The following ANKRD24 variants were observed in gnomAD, a reference collection of about 807,000 sequenced individuals.
The protein encoded by ANKRD24 is ankyrin repeat domain 24.
In ANKRD24, 109 loss-of-function variants were observed where a neutral mutation model predicts 127.8. The ratio of observed to expected loss-of-function variants is 0.85; its 90% CI spans 0.73 to 1.00. ANKRD24 has a LOEUF of 1.00. Ranked by LOEUF, ANKRD24 falls within the 50% of genes least tolerant of loss-of-function variation. The pLI is 0.00. For missense variants in ANKRD24, 1,648 were observed against 1,570.2 expected, an observed-to-expected ratio of 1.05 and a Z score of -0.84; for synonymous variants, 743 against 671.1, an observed-to-expected ratio of 1.11 and a Z score of -1.66.
chr19:4,202,761 G>A (rs1969163457), intron 6 of ANKRD24, 108 bp from the exon 7 acceptor site: 1 of 1,189,952 alleles, frequency 8.4e-7, no homozygotes, highest in African/African-American at 1.5e-5. Flanking sequence ...GGGGGCCACG[G>A]AAGGGTGAGG....
At chr19:4,210,534 C>T (rs193169979) in intron 13 of ANKRD24, among the ~76,000 whole-genome samples, 162 bp downstream of exon 13, 14 of 152,102 alleles carry the variant, frequency 9.2e-5, no homozygotes, top group Admixed American at 6.6e-4. Context: ...ACTCGCCAGG[C>T]GCAGTCCTGC....
At chr19:4,189,574 T>TG (rs771130714) in intron 2 of ANKRD24, among the ~76,000 whole-genome samples, 1 of 150,894 alleles carries the variant, frequency 6.6e-6, no homozygotes, top group Non-Finnish European at 1.5e-5. Context: ...TTTTAAGAGA[T>TG]GGGGTCTCAC....
At position 4,216,342 on chromosome 19, in the gene ANKRD24, G is replaced by A. The variant is rs768700249; in HGVS notation, c.1329G>A (p.Ser443=). Residue 443 remains serine, a synonymous_variant, in exon 17 of 22, where the codon TCG becomes TCA. Coordinates refer to ENST00000318934, the MANE Select transcript of ANKRD24 (RefSeq NM_001393985.1). The part of the protein sequence containing the change: ...LSPSAQEHLA[S]LQEQVAVLTR... ...CGTCGGCCCAGGAACACCTGGCCTC[G>A]CTGCAGGAACAGGTGGCTGTGCTCA... 19 of 1,571,780 alleles carry A rather than the reference G, an allele frequency of 1.2e-5. No homozygotes were observed. The highest frequency in any genetic ancestry group is 3.7e-5 in the Admixed American group (2 of 53,460).
rs1245226758 is a variant in ANKRD24, at chr19:4,217,398, GC to G, written c.2239del (p.Leu747TrpfsTer263). On this transcript the variant is annotated frameshift_variant, in exon 18 of 22. Coordinates refer to ENST00000318934, the MANE Select transcript of ANKRD24 (RefSeq NM_001393985.1). LOFTEE classifies it high-confidence loss of function. ...AGCGGGAGCGGGAGGCAGCTGCGGA[GC>G]TGGAGGCGGCCCTGGGGAAGTGCGA... is the stretch of plus-strand genomic sequence containing the variant. Reference protein sequence around the residue: ...RQREREAAAELEAALGKCEAA... With the variant: ...RQREREAAAEXEAALGKCEAA... 18 of 1,549,974 alleles carry G rather than the reference GC, an allele frequency of 1.2e-5. No homozygotes were observed. The highest frequency in any genetic ancestry group is 1.5e-5 in the Non-Finnish European group (17 of 1,146,832).
rs28615978 is a variant in ANKRD24 at position 4,198,172 on chromosome 19, C to T, written c.37-1511C>T. On this transcript the variant is annotated intron_variant, in intron 2 of 21. Coordinates refer to ENST00000318934, the MANE Select transcript of ANKRD24 (RefSeq NM_001393985.1). The surrounding 1 kb of genome is among the most constrained non-coding windows in gnomAD (Gnocchi z 6.1). ...CGGCGGCCTGCGCTGGTGAGGGAGC[C>T]GGGCCCCCGGCGCCGCGTCCTCCTC... 81,727 of 563,220 alleles carry T rather than the reference C, an allele frequency of 0.15. 7,223 individuals carry two copies. Among genetic ancestry groups the T allele is most frequent in the African/African-American group, 0.3 (15,014 of 50,512 alleles). 34.9% of individuals were successfully genotyped at this position (563,220 alleles called of 1,614,324 possible).
intron 6 of ANKRD24, 60 bp downstream of exon 6, chr19:4,202,150 A>T: frequency 6.7e-7 from 1 of 1,489,390 alleles, no homozygotes; most frequent in Non-Finnish European, 9.4e-7. Context: ...AGTTCCAGCA[A>T]TTCCTTGAAC....
At chr19:4,210,659 C>T (rs1969671755) in intron 13 of ANKRD24, among the ~76,000 whole-genome samples, 1 of 151,952 alleles carries the variant, frequency 6.6e-6, no homozygotes. Flanking sequence ...CCCAGATGGC[C>T]CCACAGCTCT....
chr19:4,218,194 A>G, intron 18 of ANKRD24, 31 bp downstream of exon 18: 1 of 1,414,640 alleles, frequency 7.1e-7, no homozygotes, highest in Non-Finnish European at 9.2e-7. Context: ...CCCGGGCCCC[A>G]CCCCCATTGG....
In ANKRD24 at chr19:4,217,383, G is replaced by C; in HGVS notation, c.2223G>C (p.Arg741=). The C allele has an allele frequency of 6.4e-7, 1 of 1,550,624 alleles. No homozygotes were observed. The highest frequency in any genetic ancestry group is 8.7e-7 in the Non-Finnish European group (1 of 1,146,936). ...AGGAGGCTCTCCGGCAGCGGGAGCG[G>C]GAGGCAGCTGCGGAGCTGGAGGCGG... is the stretch of plus-strand genomic sequence containing the variant. ...GLEEALRQRE[R]EAAAELEAAL... The change falls in exon 18 of 22, where the codon CGG becomes CGC. Residue 741 remains arginine, a synonymous_variant. Transcript: ENST00000318934.
Position 4,207,224 on chromosome 19 carries a change from A to G in ANKRD24, c.467-18A>G. 1 of 1,611,506 alleles carries G rather than the reference A, an allele frequency of 6.2e-7. No individual in the cohort carries two copies. Among genetic ancestry groups the G allele is most frequent in the Non-Finnish European group, 8.5e-7 (1 of 1,179,062 alleles). The stretch of plus-strand genomic sequence containing the variant: ...CAGGGTTGAGCTACCGCACCGGACA[A>G]CCTTTTCTCTTTTGCAGCGGCTGGT... On this transcript the variant is annotated intron_variant, in intron 7 of 21. Coordinates refer to ENST00000318934, the MANE Select transcript of ANKRD24 (RefSeq NM_001393985.1).
In ANKRD24 at chr19:4,210,327, G is replaced by T; in HGVS notation, c.1014G>T (p.Gln338His). ...GGCAGGAGAGGGGCCGCCTCCTGCA[G>T]AAGATCCGGGGCCTGGAACAGCACA... ...RLRQERGRLL[Q>H]KIRGLEQHKE... Residue 338 changes from glutamine to histidine, a missense_variant, in exon 13 of 22, where the codon CAG (glutamine) becomes CAT (histidine). By Grantham distance (24) the Gln-to-His change is conservative (BLOSUM62 0). Coordinates refer to ENST00000318934, the MANE Select transcript of ANKRD24 (RefSeq NM_001393985.1). 8 of 1,578,852 alleles carry T rather than the reference G, an allele frequency of 5.1e-6. No individual in the cohort carries two copies. The highest frequency in any genetic ancestry group is 2.3e-5 in the East Asian group (1 of 43,082).
chr19:4,195,606 T>C lies in ANKRD24; in HGVS notation c.37-4077T>C, dbSNP rs142092426. On this transcript the variant is annotated intron_variant, in intron 2 of 21. Transcript: ENST00000318934. The surrounding 1 kb of genome is among the most constrained non-coding windows in gnomAD (Gnocchi z 4.2). ...ACTCCTCCCTCCTCTTGTCCAAACA[T>C]GTCTAAGAGGGCCGGGCGCAGTGGC... 2.6e-5 allele frequency among the ~76,000 whole-genome samples: 4 copies of C among 152,162 alleles called. No homozygotes were observed. Among genetic ancestry groups the C allele is most frequent in the African/African-American group, 9.6e-5 (4 of 41,524 alleles).
chr19:4,202,809 C>T, intron 6 of ANKRD24, 60 bp from the exon 7 acceptor site: 2 of 1,534,474 alleles, frequency 1.3e-6, no homozygotes, highest in South Asian at 2.4e-5. Flanking sequence ...GAAGGCAGTC[C>T]TAGAGAAATC....
At chr19:4,183,260 G>A in intron 1 of ANKRD24, 5 of 975,466 alleles carry the variant, frequency 5.1e-6, no homozygotes, top group Non-Finnish European at 6.1e-6. Context: ...GATTACAGGC[G>A]TGAGCCACTG....
chr19:4,184,178 C>G (rs1427119526), intron 1 of ANKRD24, among the ~76,000 whole-genome samples: 2 of 152,328 alleles, frequency 1.3e-5, no homozygotes, highest in East Asian at 3.9e-4. Context: ...CCTGGGGCGG[C>G]CGCCTGCTCA....
intron 20 of ANKRD24, among the ~76,000 whole-genome samples, chr19:4,223,410 T>A (rs1178658622): frequency 3.7e-5 from 5 of 133,992 alleles, no homozygotes; most frequent in African/African-American, 1.5e-4. Flanking sequence ...TATTTTTTTT[T>A]TTTTTTTTTT....
Position 4,217,695 on chromosome 19 carries a change from G to A in ANKRD24, c.2535G>A (p.Glu845=). 7.8e-7 allele frequency: 1 copy of A among 1,289,692 alleles called. No individual in the cohort carries two copies. Among genetic ancestry groups the A allele is most frequent in the South Asian group, 2.3e-5 (1 of 43,564 alleles). The allele number at this position is 1,289,692 out of a possible 1,614,324, so 79.9% of individuals were successfully genotyped here. Residue 845 remains glutamate, a synonymous_variant, in exon 18 of 22, where the codon GAG becomes GAA. Coordinates refer to ENST00000318934, the MANE Select transcript of ANKRD24 (RefSeq NM_001393985.1). ...CCCAGCGGGAGGAGGCGCGGCTGGA[G>A]CAGAGCCGGGAGCTGGAGGTTCTGC... The part of the protein sequence containing the change: ...ELAQREEARL[E]QSRELEVLRE...
At position 4,202,881 on chromosome 19, in the gene ANKRD24, G is replaced by A; in HGVS notation, c.421G>A (p.Val141Met). 6.3e-7 allele frequency: 1 copy of A among 1,590,502 alleles called. No individual in the cohort carries two copies. The highest frequency in any genetic ancestry group is 8.6e-7 in the Non-Finnish European group (1 of 1,168,764). The change falls in exon 7 of 22, where the codon GTG (valine) becomes ATG (methionine). Residue 141 changes from valine to methionine, a missense_variant. By Grantham distance (21) the Val-to-Met change is conservative. Coordinates refer to ENST00000318934, the MANE Select transcript of ANKRD24 (RefSeq NM_001393985.1). Reference protein sequence around the residue: ...LKQLLQASCVVDVVDSSGWTA... With the variant: ...LKQLLQASCVMDVVDSSGWTA... ...GCCCCATCCCCAGGCTTCCTGCGTG[G>A]TGGACGTCGTGGACAGCAGCGGGTG...
At chr19:4,203,194 C>T (rs748116028) in intron 7 of ANKRD24, among the ~76,000 whole-genome samples, 4 of 151,222 alleles carry the variant, frequency 2.6e-5, no homozygotes, top group Non-Finnish European at 5.9e-5. Flanking sequence ...ACTAGAGGCA[C>T]CTGCCACCAC....
Sources: gnomAD v4.1 joint callset for allele counts (sites outside exome capture counted in the v4.1 genomes callset) on GRCh38, gnomAD v4.1.1 for gene constraint, Gnocchi (gnomAD v3.1) non-coding constraint, MANE v1.5 for transcripts, NCBI Gene and HGNC (gene_info 2026-07-23, HGNC 2026-07-21) for gene names.